AGBL4: variants seen among roughly 807,000 people sequenced by gnomAD.
The protein encoded by AGBL4 is AGBL carboxypeptidase 4.
Under a neutral mutation model 66.4 loss-of-function variants are expected in AGBL4, and 58 were observed. That is an observed-to-expected ratio of 0.87 (90% CI 0.71 to 1.09). The LOEUF is 1.09. Ranked by LOEUF, AGBL4 falls within the 50% of genes least tolerant of loss-of-function variation. The pLI is 0.00. For missense variants in AGBL4, 579 were observed against 631.0 expected, an observed-to-expected ratio of 0.92 and a Z score of 0.88; for synonymous variants, 234 against 222.9, an observed-to-expected ratio of 1.05 and a Z score of -0.44.
At chr1:49,903,883 G>A (rs1319272960) in intron 1 of AGBL4, among the ~76,000 whole-genome samples, 2 of 152,096 alleles carry the variant, frequency 1.3e-5, no homozygotes, top group African/African-American at 2.4e-5. Flanking sequence ...GAACACTCCA[G>A]AAGGTAAAGA....
intron 3 of AGBL4, among the ~76,000 whole-genome samples, chr1:49,675,880 G>A (rs1442260555): frequency 1.3e-5 from 2 of 152,080 alleles, no homozygotes; most frequent in Non-Finnish European, 2.9e-5. Flanking sequence ...AAGGAAGGCA[G>A]TGATTTGCAC....
Position 49,169,397 on chromosome 1 carries a change from G to A in AGBL4, c.377+76373C>T, listed in dbSNP as rs143296982. ...ATCGGTCTATTTCTACTCCTATAAG[G>A]GCTTGCATTTTTCTGTTTCACTTTT... On this transcript the variant is annotated intron_variant, in intron 4 of 13. Transcript: ENST00000371839. 4.3e-3 allele frequency among the ~76,000 whole-genome samples: 661 copies of A among 152,156 alleles called. 1 individual carries two copies. The highest frequency in any genetic ancestry group is 7.4e-3 in the Non-Finnish European group (506 of 68,012).
At chr1:49,756,440 A>G (rs945878674) in intron 2 of AGBL4, among the ~76,000 whole-genome samples, 4 of 152,252 alleles carry the variant, frequency 2.6e-5, no homozygotes, top group Non-Finnish European at 5.9e-5. Context: ...TTGAGACTAA[A>G]GTCAGGCCTC....
intron 2 of AGBL4, among the ~76,000 whole-genome samples, chr1:49,736,628 C>G (rs569746272): frequency 6.6e-6 from 1 of 152,184 alleles, no homozygotes; most frequent in African/African-American, 2.4e-5. Flanking sequence ...TTGGCTAAGT[C>G]CCCAAAAGGA....
Position 49,196,413 on chromosome 1 carries a change from T to C in AGBL4, c.377+49357A>G, listed in dbSNP as rs557807436. The stretch of plus-strand genomic sequence containing the variant: ...GTAAATTTCTCACTCATATTCTGAA[T>C]TGACTTTCTGATTTCTTTGTATTGG... On this transcript the variant is annotated intron_variant, in intron 4 of 13. Coordinates refer to ENST00000371839, the MANE Select transcript of AGBL4 (RefSeq NM_032785.4). Among the ~76,000 whole-genome samples the C allele has an allele frequency of 1.7e-3, 261 of 152,304 alleles. 10 individuals carry two copies. The South Asian group carries it at 0.052, about 30-fold the overall frequency.
At chr1:49,629,624 T>A (rs1209419156) in intron 3 of AGBL4, among the ~76,000 whole-genome samples, 1 of 152,130 alleles carries the variant, frequency 6.6e-6, no homozygotes, top group East Asian at 1.9e-4. Context: ...ACGATGATAT[T>A]TCGGGTCATT....
intron 4 of AGBL4, among the ~76,000 whole-genome samples, chr1:49,189,313 C>G (rs1198812654): frequency 6.6e-6 from 1 of 152,134 alleles, no homozygotes; most frequent in Non-Finnish European, 1.5e-5. Context: ...CTATGAACAC[C>G]TCGTTCCTGG....
intron 4 of AGBL4, among the ~76,000 whole-genome samples, chr1:49,096,072 A>T (rs1645094537): frequency 6.6e-6 from 1 of 152,174 alleles, no homozygotes; most frequent in Non-Finnish European, 1.5e-5. Context: ...TATGCAGCCA[A>T]CAGACACATG....
chr1:48,872,027 T>C (rs115111157), intron 5 of AGBL4, among the ~76,000 whole-genome samples: 1,983 of 152,242 alleles, frequency 0.013, 42 homozygotes, highest in African/African-American at 0.044. Flanking sequence ...TTCATAATTA[T>C]GAAAATCACA....
intron 3 of AGBL4, among the ~76,000 whole-genome samples, chr1:49,451,871 A>G (rs1040712958): frequency 6.6e-6 from 1 of 151,990 alleles, no homozygotes; most frequent in African/African-American, 2.4e-5. Context: ...TGCTGTTTTT[A>G]GAAAGAAAAA....
intron 2 of AGBL4, among the ~76,000 whole-genome samples, chr1:49,783,959 A>G (rs752338679): frequency 1.3e-5 from 2 of 152,134 alleles, no homozygotes; most frequent in Non-Finnish European, 2.9e-5. Flanking sequence ...GGGTTTGTAC[A>G]CTGAAAACTA....
chr1:49,891,228 C>T (rs756966537), intron 1 of AGBL4, among the ~76,000 whole-genome samples: 1 of 152,106 alleles, frequency 6.6e-6, no homozygotes, highest in African/African-American at 2.4e-5. Flanking sequence ...TATTCCATTG[C>T]CTTTAATTGT....
At chr1:48,838,280 C>T (rs1558030593) in intron 6 of AGBL4, among the ~76,000 whole-genome samples, 1 of 152,074 alleles carries the variant, frequency 6.6e-6, no homozygotes, top group Admixed American at 6.6e-5. Context: ...CATTACCTGA[C>T]ATCAAAGTAT....
At chr1:49,845,881 C>T in intron 2 of AGBL4, 1 of 1,412,354 alleles carries the variant, frequency 7.1e-7, no homozygotes, top group Non-Finnish European at 1.0e-6. Flanking sequence ...GCACAAACCT[C>T]ACACACCAGC....
At chr1:49,196,252 T>G (rs542649215) in intron 4 of AGBL4, among the ~76,000 whole-genome samples, 2 of 152,206 alleles carry the variant, frequency 1.3e-5, no homozygotes, top group Non-Finnish European at 2.9e-5. Flanking sequence ...TTTGTATGAC[T>G]GGATTAATTT....
intron 3 of AGBL4, among the ~76,000 whole-genome samples, chr1:49,658,118 G>A (rs1350544753): frequency 4.6e-5 from 7 of 152,082 alleles, no homozygotes; most frequent in South Asian, 4.2e-4. Flanking sequence ...TCTGACAAAC[G>A]GCTAATCTCC....
intron 2 of AGBL4, among the ~76,000 whole-genome samples, chr1:49,792,180 G>A (rs2147930296): frequency 6.6e-6 from 1 of 152,140 alleles, no homozygotes; most frequent in African/African-American, 2.4e-5. Context: ...TAGTTTGAGA[G>A]AATTCCCACT....
At chr1:49,720,914 A>G (rs1355532181) in intron 2 of AGBL4, among the ~76,000 whole-genome samples, 1 of 152,140 alleles carries the variant, frequency 6.6e-6, no homozygotes, top group Non-Finnish European at 1.5e-5. Flanking sequence ...ATGTCAAACG[A>G]AAGAAGGCAG....
chr1:50,009,252 C>G (rs1308217631), intron 1 of AGBL4, among the ~76,000 whole-genome samples: 2 of 151,886 alleles, frequency 1.3e-5, no homozygotes, highest in Admixed American at 1.3e-4. Context: ...GAAATTGATG[C>G]AAAAATCCTC....
Sources: gnomAD v4.1 joint callset for allele counts (sites outside exome capture counted in the v4.1 genomes callset) on GRCh38, gnomAD v4.1.1 for gene constraint, MANE v1.5 for transcripts, NCBI Gene and HGNC (gene_info 2026-07-23, HGNC 2026-07-21) for gene names.